The following MRC2 variants were observed in gnomAD, a reference collection of about 807,000 sequenced individuals.
MRC2 encodes C-type mannose receptor 2.
Under a neutral mutation model 206.2 loss-of-function variants are expected in MRC2, and 84 were observed. The observed-to-expected ratio is 0.41, with a 90% CI of 0.34 to 0.49. The LOEUF is 0.49. MRC2 is among the 20% of genes least tolerant of loss of function. The pLI, the probability that MRC2 is intolerant of heterozygous loss-of-function variation, is 0.31. For synonymous variants in MRC2, 798 were observed against 800.0 expected (o/e 1.00, Z 0.04); for missense variants, 1,676 against 2,001.5 (o/e 0.84, Z 3.10).
At position 62,674,703 on chromosome 17, in the gene MRC2, G is replaced by T. The variant is rs535300849; in HGVS notation, c.1569+533G>T. Among the ~76,000 whole-genome samples, 12 of 148,846 alleles carry T rather than the reference G, an allele frequency of 8.1e-5. 1 individual carries two copies. In the East Asian group the frequency reaches 9.8e-4, roughly 12 times the overall value. On this transcript the variant is annotated intron_variant, in intron 9 of 29. Transcript: ENST00000303375. ...CTAGAGGATGTTTAGGGAGGTTGAG[G>T]GGGGGGGTGTCAAGGAATGAAAGCT...
At chr17:62,659,498 A>G (rs572604626) in intron 1 of MRC2, among the ~76,000 whole-genome samples, 4 of 151,982 alleles carry the variant, frequency 2.6e-5, no homozygotes, top group South Asian at 2.1e-4. Context: ...GTGAGCAGAG[A>G]TCGCGCCACT....
intron 18 of MRC2, 58 bp from the exon 19 acceptor site, chr17:62,681,779 C>A (rs573318873): frequency 7.2e-7 from 1 of 1,380,514 alleles, no homozygotes; most frequent in Non-Finnish European, 1.0e-6. Flanking sequence ...TTGCTGCATC[C>A]GGTGGAGGCC....
At chr17:62,649,393 C>G (rs1009552712) in intron 1 of MRC2, among the ~76,000 whole-genome samples, 3 of 152,220 alleles carry the variant, frequency 2.0e-5, no homozygotes, top group African/African-American at 7.2e-5. Context: ...GAGTTCAAGA[C>G]CAACCTGGCC....
intron 1 of MRC2, among the ~76,000 whole-genome samples, chr17:62,640,628 C>A (rs1047948725): frequency 1.3e-5 from 2 of 152,130 alleles, no homozygotes; most frequent in Non-Finnish European, 2.9e-5. Flanking sequence ...ATCTTCCCCC[C>A]TCAGCCTCCG....
In MRC2 at chr17:62,690,053, G is replaced by A. The variant is rs1166263662; in HGVS notation, c.3733G>A (p.Val1245Ile). 2 of 1,599,650 alleles carry A rather than the reference G, an allele frequency of 1.3e-6. No homozygotes were observed. The highest frequency in any genetic ancestry group is 1.7e-4 in the Middle Eastern group (1 of 5,940). Residue 1245 changes from valine to isoleucine, a missense_variant, in exon 25 of 30, where the codon GTT becomes ATT. Coordinates refer to ENST00000303375, the MANE Select transcript of MRC2 (RefSeq NM_006039.5). Reference protein sequence around the residue: ...DTKLQGAVCGVSSGPPPPRRI... With the variant: ...DTKLQGAVCGISSGPPPPRRI... The stretch of plus-strand genomic sequence containing the variant: ...CAAGCTGCAGGGGGCTGTGTGTGGG[G>A]TTAGCAGTGGTGAGTGCCCACCTGC...
In MRC2 at chr17:62,627,824, C is replaced by T. The variant is rs1230352349; in HGVS notation, c.22C>T (p.Pro8Ser). ...GGGGATGGGGCCCGGCCGGCCGGCC[C>T]CCGCGCCCTGGCCTCGTCACCTGCT... is the stretch of plus-strand genomic sequence containing the variant. MGPGRPA[P>S]APWPRHLLRC... Residue 8 changes from proline to serine, a missense_variant, in exon 1 of 30, where the codon CCC (proline) becomes TCC (serine). Transcript: ENST00000303375. 1 of 1,454,794 alleles carries T rather than the reference C, an allele frequency of 6.9e-7. No individual in the cohort carries two copies. 90.1% of individuals were successfully genotyped at this position (1,454,794 alleles called of 1,614,324 possible).
At chr17:62,677,096 T>A (rs1490293034) in intron 11 of MRC2, among the ~76,000 whole-genome samples, 173 bp from the exon 12 acceptor site, 2 of 152,234 alleles carry the variant, frequency 1.3e-5, no homozygotes, top group Non-Finnish European at 2.9e-5. Flanking sequence ...GAGCCAGGGC[T>A]CTGCCTCCAT....
chr17:62,661,975 C>T (rs1033298422), intron 1 of MRC2, among the ~76,000 whole-genome samples: 3 of 152,034 alleles, frequency 2.0e-5, no homozygotes, highest in African/African-American at 2.4e-5. Flanking sequence ...AGGCCAGGTG[C>T]GGTGGCTCAT....
chr17:62,690,415 T>C, intron 26 of MRC2, 110 bp downstream of exon 26: 1 of 1,423,110 alleles, frequency 7.0e-7, no homozygotes, highest in South Asian at 1.4e-5. Flanking sequence ...TAGGCAGCAC[T>C]TACACAAGAT....
chr17:62,680,390 CACA>C lies in MRC2; in HGVS notation c.2438-25_2438-23del, dbSNP rs1369583049. 9 of 1,613,956 alleles carry C rather than the reference CACA, an allele frequency of 5.6e-6. No homozygotes were observed. The highest frequency in any genetic ancestry group is 7.6e-6 in the Non-Finnish European group (9 of 1,179,978). On this transcript the variant is annotated intron_variant, in intron 15 of 29. Coordinates refer to ENST00000303375, the MANE Select transcript of MRC2 (RefSeq NM_006039.5). This position sits in a 1 kb window ranked among gnomAD's most constrained non-coding sequence, Gnocchi z 4.8. ...AATTCCAGGGAGGGTCTCCTTTCCTCACAACGTCTTTGTCCTTGTTCCCCTAGG... is the reference window on the plus strand; with the variant it reads ...AATTCCAGGGAGGGTCTCCTTTCCTCACGTCTTTGTCCTTGTTCCCCTAGG...
In MRC2 at chr17:62,667,359, CG is replaced by C; in HGVS notation, c.974-26del. On this transcript the variant is annotated intron_variant, in intron 5 of 29. Transcript: ENST00000303375. This position sits in a 1 kb window ranked among gnomAD's most constrained non-coding sequence, Gnocchi z 4.1. The stretch of plus-strand genomic sequence containing the variant: ...GAGCCACGGTGTGAGCTTCTCTCTC[CG>C]GGGGTGCTGGCGCCCTGCCCTCCCC... 6.4e-7 allele frequency: 1 copy of C among 1,569,026 alleles called. No homozygotes were observed. Among genetic ancestry groups the C allele is most frequent in the Non-Finnish European group, 8.6e-7 (1 of 1,158,840 alleles).
intron 13 of MRC2, among the ~76,000 whole-genome samples, chr17:62,678,881 T>G (rs1015260442): frequency 6.6e-6 from 1 of 152,136 alleles, no homozygotes; most frequent in Non-Finnish European, 1.5e-5. Context: ...CATAGGAGAC[T>G]GTGTTTTGCT....
Position 62,680,676 on chromosome 17 carries a change from C to T in MRC2, c.2474-124C>T, listed in dbSNP as rs2088952967. ...GGCCTGGCACGGTGCCTGCCTGGGTCCGGTGTGCCTGCAGGCTCGCCTGCT... is the reference window on the plus strand; with the variant it reads ...GGCCTGGCACGGTGCCTGCCTGGGTTCGGTGTGCCTGCAGGCTCGCCTGCT... On this transcript the variant is annotated intron_variant, in intron 16 of 29. Transcript: ENST00000303375. The surrounding 1 kb of genome is among the most constrained non-coding windows in gnomAD (Gnocchi z 4.8). 1 of 1,311,836 alleles carries T rather than the reference C, an allele frequency of 7.6e-7. No individual in the cohort carries two copies. The highest frequency in any genetic ancestry group is 1.0e-6 in the Non-Finnish European group (1 of 993,708). The allele number at this position is 1,311,836 out of a possible 1,614,324, so 81.3% of individuals were successfully genotyped here. A position where few individuals can be genotyped will look rare whatever the true frequency, so the allele number is the denominator to read the frequency against.
At chr17:62,658,957 A>G (rs2088649548) in intron 1 of MRC2, among the ~76,000 whole-genome samples, 1 of 152,174 alleles carries the variant, frequency 6.6e-6, no homozygotes, top group Admixed American at 6.5e-5. Context: ...TTGGGTTGTT[A>G]TAACACAATA....
chr17:62,643,451 A>G (rs778982775), intron 1 of MRC2, among the ~76,000 whole-genome samples: 6 of 152,206 alleles, frequency 3.9e-5, no homozygotes, highest in Non-Finnish European at 7.4e-5. Context: ...AAGGGTACTC[A>G]GCAACCAGGG....
intron 1 of MRC2, among the ~76,000 whole-genome samples, chr17:62,655,721 T>TAAAAAAAAAAAAA (rs71155946): frequency 1.6e-5 from 2 of 126,168 alleles, no homozygotes; most frequent in Non-Finnish European, 3.3e-5. Context: ...TCTGTCTCTT[T>TAAAAAAAAAAAAA]AAAAAAAAAA....
At chr17:62,645,512 TA>T (rs2088467166) in intron 1 of MRC2, among the ~76,000 whole-genome samples, 2 of 67,222 alleles carry the variant, frequency 3.0e-5, no homozygotes, top group African/African-American at 6.0e-5. Flanking sequence ...TATATATATA[TA>T]TATATATATA....
chr17:62,679,144 C>G (rs1361354017), intron 13 of MRC2, among the ~76,000 whole-genome samples: 1 of 152,182 alleles, frequency 6.6e-6, no homozygotes, highest in African/African-American at 2.4e-5. Flanking sequence ...AGCATTAGCA[C>G]GTGGAATCCC....
intron 17 of MRC2, 30 bp from the exon 18 acceptor site, chr17:62,681,032 T>C: frequency 6.2e-7 from 1 of 1,612,820 alleles, no homozygotes; most frequent in Non-Finnish European, 8.5e-7. Context: ...GGGGGCTGCC[T>C]ACCCACACCT....
Sources: gnomAD v4.1 joint callset for allele counts (sites outside exome capture counted in the v4.1 genomes callset) on GRCh38, gnomAD v4.1.1 for gene constraint, Gnocchi (gnomAD v3.1) non-coding constraint, MANE v1.5 for transcripts, NCBI Gene and HGNC (gene_info 2026-07-23, HGNC 2026-07-21) for gene names.